ATM: variants seen among roughly 807,000 people sequenced by gnomAD.
ATM encodes ATM serine/threonine kinase, also known as serine-protein kinase ATM.
A neutral mutation model predicts 387.0 loss-of-function variants in ATM; 308 were observed. The observed-to-expected ratio is 0.80, with a 90% CI of 0.73 to 0.87. The LOEUF (loss-of-function observed/expected upper bound fraction) is 0.87, where lower values mean the gene tolerates loss of function less well. Among genes scored for constraint, ATM ranks in the 40% least tolerant of loss-of-function variants. The pLI is 0.00. For missense variants in ATM, 3,312 were observed against 3,560.9 expected (o/e 0.93, Z 1.78); for synonymous variants, 1,156 against 1,187.3 (o/e 0.97, Z 0.54).
rs1131691391 is a variant in ATM, at chr11:108,365,450, A to T, written c.9113A>T (p.Gln3038Leu). 1.2e-6 allele frequency: 2 copies of T among 1,614,244 alleles called. No individual in the cohort carries two copies. The highest frequency in any genetic ancestry group is 1.7e-6 in the Non-Finnish European group (2 of 1,180,050). Residue 3038 changes from glutamine (Q) to leucine (L), a missense_variant, in exon 63 of 63, where the codon CAG becomes CTG. Physicochemically the swap from Gln to Leu is moderately radical, Grantham distance 113 (BLOSUM62 -2). Coordinates refer to ENST00000675843, the MANE Select transcript of ATM (RefSeq NM_000051.4). The stretch of plus-strand genomic sequence containing the variant: ...GGACAAGTGAATTTGCTCATACAGC[A>T]GGCCATAGACCCCAAAAATCTCAGC... ...VGGQVNLLIQ[Q>L]AIDPKNLSRL... is the part of the protein sequence containing the mutation.
At chr11:108,244,222 T>C (rs2079717777) in intron 6 of ATM, 104 bp downstream of exon 6, 2 of 1,334,266 alleles carry the variant, frequency 1.5e-6, no homozygotes, top group Admixed American at 1.9e-5. Context: ...AAATAAAACA[T>C]TGATCCATCA....
rs1468101040 is a variant in ATM at position 108,301,771 on chromosome 11, T to C, written c.5301T>C (p.Phe1767=). The C allele has an allele frequency of 6.2e-6, 10 of 1,613,674 alleles. No individual in the cohort carries two copies. The highest frequency in any genetic ancestry group is 8.5e-6 in the Non-Finnish European group (10 of 1,179,724). The change falls in exon 35 of 63, where the codon TTT becomes TTC. Residue 1767 remains phenylalanine (F), a synonymous_variant. Coordinates refer to ENST00000675843, the MANE Select transcript of ATM (RefSeq NM_000051.4). ...CAATGCTGGCCTATCTACAGCCTTTTAGAACATCAAGAAAAAAGGTCTCTT... is the reference window on the plus strand; with the variant it reads ...CAATGCTGGCCTATCTACAGCCTTTCAGAACATCAAGAAAAAAGGTCTCTT... ...TDPMLAYLQP[F]RTSRKKFLEV...
Position 108,279,492 on chromosome 11 carries a change from T to G in ATM, c.3286T>G (p.Leu1096Val), listed in dbSNP as rs2082114370. 6.2e-7 allele frequency: 1 copy of G among 1,602,286 alleles called. No homozygotes were observed. The change falls in exon 23 of 63, where the codon TTG becomes GTG. Residue 1096 changes from leucine to valine, a missense_variant and splice_region_variant. Coordinates refer to ENST00000675843, the MANE Select transcript of ATM (RefSeq NM_000051.4). ...RMLAAESINR[L>V]FQDTKGDSSR... is the part of the protein sequence containing the mutation. ...GTTTGTTTGCTTGCTTGTTTTAAGATTGTTCCAGGACACGAAGGGAGATTC... is the reference window on the plus strand; with the variant it reads ...GTTTGTTTGCTTGCTTGTTTTAAGAGTGTTCCAGGACACGAAGGGAGATTC...
chr11:108,251,122 A>G (rs1442848502), intron 10 of ATM, 50 bp downstream of exon 10: 1 of 1,610,546 alleles, frequency 6.2e-7, no homozygotes, highest in East Asian at 2.2e-5. Context: ...ACACACAGAC[A>G]CACACACACT....
At chr11:108,339,178 A>G (rs897422402) in intron 56 of ATM, among the ~76,000 whole-genome samples, 1 of 152,106 alleles carries the variant, frequency 6.6e-6, no homozygotes, top group Non-Finnish European at 1.5e-5. Context: ...GGCTGGCCCC[A>G]TTTTTCTCCA....
At chr11:108,348,792 C>A (rs1247627234) in intron 59 of ATM, among the ~76,000 whole-genome samples, 1 of 151,454 alleles carries the variant, frequency 6.6e-6, no homozygotes, top group East Asian at 1.9e-4. Flanking sequence ...AAGAAGAAAA[C>A]CCTGTCTTTT....
intron 45 of ATM, among the ~76,000 whole-genome samples, chr11:108,322,400 C>T (rs1406631896): frequency 1.3e-5 from 2 of 152,158 alleles, no homozygotes; most frequent in East Asian, 1.9e-4. Context: ...GTGATCCACC[C>T]GCTTCAGCCT....
At chr11:108,225,346 G>A (rs1326950398) in intron 1 of ATM, 1 of 152,212 alleles carries the variant, frequency 6.6e-6, no homozygotes, top group Admixed American at 6.5e-5. Context: ...GTAATCTATA[G>A]CAGAGTAAAG....
chr11:108,349,797 A>AT (rs1252513270), intron 59 of ATM, among the ~76,000 whole-genome samples: 2 of 152,200 alleles, frequency 1.3e-5, no homozygotes, highest in Non-Finnish European at 2.9e-5. Context: ...CCTGTTAGAT[A>AT]TTGAAGATAC....
chr11:108,365,433 G>C lies in ATM; in HGVS notation c.9096G>C (p.Val3032=), dbSNP rs1565609478. The change falls in exon 63 of 63, where the codon GTG becomes GTC. Residue 3032 remains valine, a synonymous_variant. Coordinates refer to ENST00000675843, the MANE Select transcript of ATM (RefSeq NM_000051.4). ...CTGTGCTCAGTGTTGGTGGACAAGT[G>C]AATTTGCTCATACAGCAGGCCATAG... ...EGTVLSVGGQ[V]NLLIQQAIDP... 1 of 1,614,152 alleles carries C rather than the reference G, an allele frequency of 6.2e-7. No individual in the cohort carries two copies. The highest frequency in any genetic ancestry group is 1.3e-5 in the African/African-American group (1 of 75,042).
rs3218684 is a variant in ATM at position 108,227,836 on chromosome 11, C to T, written c.133C>T (p.Arg45Trp). 5.4e-5 allele frequency: 87 copies of T among 1,613,444 alleles called. No individual in the cohort carries two copies. The highest frequency in any genetic ancestry group is 9.3e-5 in the African/African-American group (7 of 74,978). Reference protein sequence around the residue: ...RDPETIKHLDRHSDSKQGKYL... With the variant: ...RDPETIKHLDWHSDSKQGKYL... Reference sequence around the variant, plus strand: ...TCCTGAAACAATTAAACATCTAGATCGGCATTCAGATTCCAAACAAGGAAA... The same window carrying T: ...TCCTGAAACAATTAAACATCTAGATTGGCATTCAGATTCCAAACAAGGAAA... Residue 45 changes from arginine (R) to tryptophan (W), a missense_variant, in exon 3 of 63, where the codon CGG becomes TGG. Arg to Trp is a moderately radical substitution (Grantham distance 101). Around this residue, in one of 4 missense-constraint regions of ATM, gnomAD observed 1,791 missense variants for 1,804.5 expected, o/e 0.99. Transcript: ENST00000675843.
At chr11:108,334,836 T>G in intron 54 of ATM, 133 bp from the exon 55 acceptor site, 2 of 1,061,778 alleles carry the variant, frequency 1.9e-6, no homozygotes, top group Non-Finnish European at 2.8e-6. Flanking sequence ...GGCCTAAAGT[T>G]GTAGTTCTTA....
At chr11:108,262,084 C>T (rs1007487237) in intron 16 of ATM, among the ~76,000 whole-genome samples, 15 of 149,696 alleles carry the variant, frequency 1.0e-4, no homozygotes, top group African/African-American at 3.1e-4. Context: ...GGAGAACTTC[C>T]GCAATCTAGC....
rs542670404 is a variant in ATM at position 108,336,343 on chromosome 11, G to C, written c.8268+382G>C. ...AAGAAGAAGAAGATGCCATTATTTGGACCAGGAGTCTACAAATGTTTTCTG... is the reference window on the plus strand; with the variant it reads ...AAGAAGAAGAAGATGCCATTATTTGCACCAGGAGTCTACAAATGTTTTCTG... On this transcript the variant is annotated intron_variant, in intron 56 of 62. Transcript: ENST00000675843. 67 of 176,916 alleles carry C rather than the reference G, an allele frequency of 3.8e-4. 1 individual carries two copies. Among genetic ancestry groups the C allele is most frequent in the African/African-American group, 1.5e-3 (63 of 41,860 alleles). 11.0% of individuals were successfully genotyped at this position (176,916 alleles called of 1,614,324 possible). A position where few individuals can be genotyped will look rare whatever the true frequency, so the allele number is the denominator to read the frequency against.
rs2091443730 is a variant in ATM, at chr11:108,368,411, T to G, written c.*2903T>G. The stretch of plus-strand genomic sequence containing the variant: ...GAAAATATTAATCATAGAATAGTTG[T>G]TGTATGCTAAGTCACTGACCCATAT... On this transcript the variant is annotated 3_prime_UTR_variant, in exon 63 of 63. Coordinates refer to ENST00000675843, the MANE Select transcript of ATM (RefSeq NM_000051.4). 2 of 213,240 alleles carry G rather than the reference T, an allele frequency of 9.4e-6. No homozygotes were observed. The highest frequency in any genetic ancestry group is 1.9e-5 in the Non-Finnish European group (2 of 105,598). 13.2% of individuals were successfully genotyped at this position (213,240 alleles called of 1,614,324 possible).
At chr11:108,284,794 C>T (rs1256145182) in intron 26 of ATM, among the ~76,000 whole-genome samples, 1 of 152,190 alleles carries the variant, frequency 6.6e-6, no homozygotes, top group Non-Finnish European at 1.5e-5. Context: ...TCAAGGAATA[C>T]TAAACAGTGT....
At chr11:108,286,897 T>A (rs973137681) in intron 26 of ATM, among the ~76,000 whole-genome samples, 2 of 152,240 alleles carry the variant, frequency 1.3e-5, no homozygotes, top group African/African-American at 2.4e-5. Flanking sequence ...AAAGTTGTTA[T>A]ATTCACCCTT....
At chr11:108,290,103 T>C in intron 29 of ATM, 1 of 261,576 alleles carries the variant, frequency 3.8e-6, no homozygotes, top group Non-Finnish European at 7.4e-6. Flanking sequence ...AAGCGAACTG[T>C]CAGCCTCAGC....
In ATM at chr11:108,271,447, A is replaced by C. The variant is rs199701726; in HGVS notation, c.3077+41A>C. 6.2e-6 allele frequency: 10 copies of C among 1,611,690 alleles called. No homozygotes were observed. The African/African-American group carries it at 9.3e-5, about 15-fold the overall frequency. ...TTTGTGGTCCTATTTTTCTTTTGCT[A>C]TCTGTGGATACGAATGCAAGTTTTG... On this transcript the variant is annotated intron_variant, in intron 20 of 62. Coordinates refer to ENST00000675843, the MANE Select transcript of ATM (RefSeq NM_000051.4).
Sources: gnomAD v4.1 joint callset for allele counts (sites outside exome capture counted in the v4.1 genomes callset) on GRCh38, gnomAD v4.1.1 for gene constraint, gnomAD v4.1.1 regional missense constraint, MANE v1.5 for transcripts, NCBI Gene and HGNC (gene_info 2026-07-23, HGNC 2026-07-21) for gene names.